Variants in SLC26A4 observed in about 807,000 individuals in gnomAD.
SLC26A4 encodes solute carrier family 26 member 4.
SLC26A4 carries 93 observed loss-of-function variants against 90.4 expected under a neutral mutation model. The observed-to-expected ratio is 1.03, with a 90% confidence interval of 0.87 to 1.22. SLC26A4 has a LOEUF of 1.22. Ranked by LOEUF, SLC26A4 falls within the 50% of genes most tolerant of loss-of-function variation. The probability of loss-of-function intolerance (pLI) is 0.00; values close to 1 mark genes in which losing one functional copy is unlikely to be tolerated. For missense variants in SLC26A4, 1,127 were observed against 946.2 expected (o/e 1.19, Z -2.51); for synonymous variants, 393 against 354.6 (o/e 1.11, Z -1.22).
In SLC26A4 at chr7:107,694,056, T is replaced by C. The variant is rs1052950137; in HGVS notation, c.1264-347T>C. ...TGTTGGGAAAGGGGGGATTGGTCCA[T>C]GTTTCCTGCCATGGTAAATAACTAG... On this transcript the variant is annotated intron_variant, in intron 10 of 20. Coordinates refer to ENST00000644269, the MANE Select transcript of SLC26A4 (RefSeq NM_000441.2). 6.6e-5 allele frequency among the ~76,000 whole-genome samples: 10 copies of C among 152,180 alleles called. 1 individual carries two copies. The highest frequency in any genetic ancestry group is 5.9e-4 in the Admixed American group (9 of 15,264).
intron 20 of SLC26A4, among the ~76,000 whole-genome samples, chr7:107,715,017 G>C (rs1584348971): frequency 6.7e-6 from 1 of 149,078 alleles, no homozygotes; most frequent in African/African-American, 2.5e-5. Flanking sequence ...TTGAGGTCAG[G>C]AGTTTGAGAC....
In SLC26A4 at chr7:107,670,559, C is replaced by T. The variant is rs575860040; in HGVS notation, c.305-1579C>T. ...ACATCTCTCCACGTTACTGAATGTA[C>T]TTCTGAGCATCACATCAATTTCATT... is the stretch of plus-strand genomic sequence containing the variant. On this transcript the variant is annotated intron_variant, in intron 3 of 20. Coordinates refer to ENST00000644269, the MANE Select transcript of SLC26A4 (RefSeq NM_000441.2). 3.3e-5 allele frequency among the ~76,000 whole-genome samples: 5 copies of T among 152,236 alleles called. No homozygotes were observed. In the South Asian group the frequency reaches 8.3e-4, roughly 25 times the overall value.
chr7:107,692,490 A>G (rs78135467), intron 10 of SLC26A4, among the ~76,000 whole-genome samples: 3 of 152,212 alleles, frequency 2.0e-5, no homozygotes, highest in Non-Finnish European at 4.4e-5. Flanking sequence ...GTAAATGCTC[A>G]TTGTTTCACT....
At position 107,708,139 on chromosome 7, in the gene SLC26A4, C is replaced by T. The variant is rs552733068; in HGVS notation, c.2090-1915C>T. ...CACATAGGCCCACACTTTAGCCTTC[C>T]ATCAGTGTACTTTAATATTAATGCT... On this transcript the variant is annotated intron_variant, in intron 18 of 20. Transcript: ENST00000644269. Among the ~76,000 whole-genome samples, 112 of 152,248 alleles carry T rather than the reference C, an allele frequency of 7.4e-4. 1 individual carries two copies. Among genetic ancestry groups the T allele is most frequent in the African/African-American group, 2.6e-3 (107 of 41,550 alleles).
At chr7:107,710,784 T>G (rs1395101795) in intron 19 of SLC26A4, among the ~76,000 whole-genome samples, 1 of 152,206 alleles carries the variant, frequency 6.6e-6, no homozygotes, top group East Asian at 1.9e-4. Flanking sequence ...TTAATTTTTC[T>G]GTCAAATACC....
chr7:107,706,888 G>T (rs1297180836), intron 18 of SLC26A4, among the ~76,000 whole-genome samples: 1 of 152,172 alleles, frequency 6.6e-6, no homozygotes, highest in Admixed American at 6.5e-5. Context: ...TGCTTAACAA[G>T]GCTGGGTGCG....
chr7:107,661,706 T>C lies in SLC26A4; in HGVS notation c.65T>C (p.Val22Ala), dbSNP rs1790557992. The change falls in exon 2 of 21, where the codon GTG becomes GCG. Residue 22 changes from valine to alanine, a missense_variant. Physicochemically the swap from Val to Ala is moderately conservative, Grantham distance 64. Transcript: ENST00000644269. The surrounding 1 kb of genome is among the most constrained non-coding windows in gnomAD (Gnocchi z 5.1). ...CCCGAGTACAGCTGCAGCTACATGG[T>C]GTCGCGGCCGGTCTACAGCGAGCTC... ...QLPEYSCSYM[V>A]SRPVYSELAF... 2 of 1,569,570 alleles carry C rather than the reference T, an allele frequency of 1.3e-6. No individual in the cohort carries two copies. The highest frequency in any genetic ancestry group is 1.3e-5 in the African/African-American group (1 of 74,168).
rs947864801 is a variant in SLC26A4 at position 107,675,114 on chromosome 7, G to A, written c.765+5G>A. ...GGAGTTCTCTCTATTATCTATGTAA[G>A]TGTTGCTTCTTGCTCCAGGGATGGG... On this transcript the variant is annotated splice_donor_5th_base_variant and intron_variant, in intron 6 of 20. Coordinates refer to ENST00000644269, the MANE Select transcript of SLC26A4 (RefSeq NM_000441.2). 4.3e-6 allele frequency: 7 copies of A among 1,613,186 alleles called. No individual in the cohort carries two copies. In the African/African-American group the frequency reaches 9.4e-5, roughly 22 times the overall value.
chr7:107,666,238 T>C (rs937579098), intron 3 of SLC26A4, among the ~76,000 whole-genome samples: 1 of 152,342 alleles, frequency 6.6e-6, no homozygotes, highest in Admixed American at 6.5e-5. Context: ...TTATATTTTT[T>C]TGAGACAGGG....
intron 18 of SLC26A4, among the ~76,000 whole-genome samples, chr7:107,708,188 T>C (rs1792080136): frequency 6.6e-6 from 1 of 152,208 alleles, no homozygotes; most frequent in South Asian, 2.1e-4. Flanking sequence ...AACTTATAAA[T>C]AATTCCCTTC....
chr7:107,683,069 T>A, intron 6 of SLC26A4, 133 bp from the exon 7 acceptor site: 2 of 682,522 alleles, frequency 2.9e-6, no homozygotes, highest in Non-Finnish European at 5.0e-6. Flanking sequence ...AACTTTTGAG[T>A]GTTGTTTGAT....
At chr7:107,666,244 C>T (rs991529635) in intron 3 of SLC26A4, among the ~76,000 whole-genome samples, 2 of 152,070 alleles carry the variant, frequency 1.3e-5, no homozygotes, top group South Asian at 4.1e-4. Context: ...TTTTTTGAGA[C>T]AGGGTCTTGC....
rs79113529 is a variant in SLC26A4 at position 107,664,815 on chromosome 7, C to G, written c.304+1380C>G. Among the ~76,000 whole-genome samples, 462 of 152,278 alleles carry G rather than the reference C, an allele frequency of 3.0e-3. 1 individual carries two copies. Among genetic ancestry groups the G allele is most frequent in the Non-Finnish European group, 5.4e-3 (369 of 68,022 alleles). On this transcript the variant is annotated intron_variant, in intron 3 of 20. Transcript: ENST00000644269. ...CTCCTCTGTCCCCTATCCCCACCAT[C>G]TCGTTTCTGCCCCACCCCCAACACC...
chr7:107,691,819 A>G (rs1367759904), intron 10 of SLC26A4: 4 of 1,052,924 alleles, frequency 3.8e-6, no homozygotes, highest in Non-Finnish European at 4.6e-6. Flanking sequence ...AGCAGGTAAA[A>G]TAATACAGCT....
chr7:107,675,233 A>T, intron 6 of SLC26A4, 124 bp downstream of exon 6: 2 of 736,558 alleles, frequency 2.7e-6, no homozygotes, highest in Non-Finnish European at 4.6e-6. Flanking sequence ...TGGAAGGCCG[A>T]GGTGGGCAGA....
At chr7:107,667,727 A>G (rs1562820713) in intron 3 of SLC26A4, among the ~76,000 whole-genome samples, 2 of 152,176 alleles carry the variant, frequency 1.3e-5, no homozygotes, top group Admixed American at 1.3e-4. Flanking sequence ...AACTAGAAGC[A>G]AAGTAGTAAA....
At chr7:107,704,106 T>G (rs1791973055) in intron 17 of SLC26A4, among the ~76,000 whole-genome samples, 1 of 152,218 alleles carries the variant, frequency 6.6e-6, no homozygotes, top group Admixed American at 6.5e-5. Flanking sequence ...CGCTATCAAG[T>G]GCTGTGCTAT....
intron 6 of SLC26A4, 50 bp downstream of exon 6, chr7:107,675,159 C>T: frequency 6.4e-7 from 1 of 1,562,186 alleles, no homozygotes; most frequent in Non-Finnish European, 8.8e-7. Flanking sequence ...ATTCCAGAAA[C>T]AATTGTATTC....
Position 107,674,333 on chromosome 7 carries a change from G to A in SLC26A4, c.585G>A (p.Leu195=). The A allele has an allele frequency of 7.4e-6, 12 of 1,612,456 alleles. No homozygotes were observed. Among genetic ancestry groups the A allele is most frequent in the Non-Finnish European group, 1.0e-5 (12 of 1,178,546 alleles). Residue 195 remains leucine, a synonymous_variant, in exon 5 of 21, where the codon CTG becomes CTA. Coordinates refer to ENST00000644269, the MANE Select transcript of SLC26A4 (RefSeq NM_000441.2). The stretch of plus-strand genomic sequence containing the variant: ...TGATTGCCAGTGCCCTGACTCTGCT[G>A]GTTGGAATTATACAGGTAATGAACT... ...RVLIASALTL[L]VGIIQLIFGG... is the part of the protein sequence containing the mutation.
Sources: allele counts gnomAD v4.1 joint callset (sites outside exome capture counted in the v4.1 genomes callset), GRCh38; gene constraint gnomAD v4.1.1; non-coding constraint Gnocchi (gnomAD v3.1); transcripts MANE v1.5; gene names NCBI Gene and HGNC (gene_info 2026-07-23, HGNC 2026-07-21).